The following RCSD1 variants were observed in gnomAD, a reference collection of about 807,000 sequenced individuals.
The protein encoded by RCSD1 is RCSD domain containing 1, also known as capZ-interacting protein.
Under a neutral mutation model 42.5 loss-of-function variants are expected in RCSD1, and 26 were observed. That is an observed-to-expected ratio of 0.61 (90% CI 0.45 to 0.85). RCSD1 has a LOEUF of 0.85. RCSD1 is among the 40% of genes least tolerant of loss of function. The pLI is 0.00. For missense variants in RCSD1, 571 were observed against 528.3 expected (o/e 1.08, Z -0.79); for synonymous variants, 220 against 212.2 (o/e 1.04, Z -0.32).
In RCSD1 at chr1:167,705,427, C is replaced by T. The variant is rs891834874; in HGVS notation, c.*731C>T. 7.2e-5 allele frequency: 11 copies of T among 152,164 alleles called. No individual in the cohort carries two copies. The highest frequency in any genetic ancestry group is 2.4e-4 in the African/African-American group (10 of 41,436). The allele number at this position is 152,164 out of a possible 1,614,324, so 9.4% of individuals were successfully genotyped here. ...GGAGGTCGCTGGCTCGGCTCACTCCCTTCTCCCACCCTTGAGAATGTGGAG... is the reference window on the plus strand; with the variant it reads ...GGAGGTCGCTGGCTCGGCTCACTCCTTTCTCCCACCCTTGAGAATGTGGAG... On this transcript the variant is annotated 3_prime_UTR_variant, in exon 7 of 7. Coordinates refer to ENST00000367854, the MANE Select transcript of RCSD1 (RefSeq NM_052862.4).
At chr1:167,653,889 A>T (rs1317234980) in intron 1 of RCSD1, among the ~76,000 whole-genome samples, 1 of 152,126 alleles carries the variant, frequency 6.6e-6, no homozygotes, top group Non-Finnish European at 1.5e-5. Flanking sequence ...GAGGCAGGAA[A>T]ATGCGTAATA....
intron 5 of RCSD1, among the ~76,000 whole-genome samples, chr1:167,695,844 G>T (rs189727841): frequency 1.4e-4 from 22 of 152,220 alleles, no homozygotes; most frequent in African/African-American, 5.1e-4. Flanking sequence ...ATTTTTAAAG[G>T]ATGCATCACT....
intron 1 of RCSD1, among the ~76,000 whole-genome samples, chr1:167,631,489 T>C (rs1015655356): frequency 2.0e-5 from 3 of 152,196 alleles, no homozygotes; most frequent in Admixed American, 2.0e-4. Context: ...GTGGTCTTTT[T>C]ATTTTTTTCT....
intron 1 of RCSD1, among the ~76,000 whole-genome samples, chr1:167,679,025 TA>T (rs1659017529): frequency 6.6e-6 from 1 of 152,254 alleles, no homozygotes. Flanking sequence ...TGTACCTGTT[TA>T]TTGCTGAAGT....
At chr1:167,632,189 G>A (rs142475832) in intron 1 of RCSD1, among the ~76,000 whole-genome samples, 108 of 152,356 alleles carry the variant, frequency 7.1e-4, no homozygotes, top group African/African-American at 2.6e-3. Context: ...AGCTTCTTGG[G>A]TTGGGTGAAG....
intron 3 of RCSD1, among the ~76,000 whole-genome samples, chr1:167,685,944 G>A (rs1261116869): frequency 1.3e-5 from 2 of 152,154 alleles, no homozygotes; most frequent in Non-Finnish European, 2.9e-5. Flanking sequence ...AAAACCCCGT[G>A]ATTCTGCAGT....
chr1:167,638,678 C>T (rs1657918829), intron 1 of RCSD1, among the ~76,000 whole-genome samples: 1 of 152,218 alleles, frequency 6.6e-6, no homozygotes, highest in South Asian at 2.1e-4. Context: ...ACTCCGAGCC[C>T]TCCTCTGCAC....
In RCSD1 at chr1:167,707,603, A is replaced by T. The variant is rs1659787249; in HGVS notation, c.*2907A>T. On this transcript the variant is annotated 3_prime_UTR_variant, in exon 7 of 7. Transcript: ENST00000367854. Reference sequence around the variant, plus strand: ...TATTCTTTTTTTTTTCTTTTTTAAAAACTTATTTAATTAGTTTTCCTTAAT... The same window carrying T: ...TATTCTTTTTTTTTTCTTTTTTAAATACTTATTTAATTAGTTTTCCTTAAT... Among the ~76,000 whole-genome samples the T allele has an allele frequency of 6.6e-6, 1 of 152,010 alleles. No homozygotes were observed. Among genetic ancestry groups the T allele is most frequent in the Non-Finnish European group, 1.5e-5 (1 of 67,992 alleles).
intron 1 of RCSD1, among the ~76,000 whole-genome samples, chr1:167,657,053 C>T (rs1013296232): frequency 6.6e-6 from 1 of 152,210 alleles, no homozygotes; most frequent in African/African-American, 2.4e-5. Context: ...TCTATGCTTC[C>T]CTGTTAGATG....
rs546539767 is a variant in RCSD1 at position 167,698,768 on chromosome 1, CTTTG to C, written c.1218+946_1218+949del. ...TATCAGCTTCCTGCTACAGTAGCCT[CTTTG>C]TTTGTTTGTTTGTTTGTTTTTTGTT... is the stretch of plus-strand genomic sequence containing the variant. On this transcript the variant is annotated intron_variant, in intron 6 of 6. Transcript: ENST00000367854. 7.9e-4 allele frequency among the ~76,000 whole-genome samples: 120 copies of C among 151,760 alleles called. 1 individual carries two copies. The highest frequency in any genetic ancestry group is 1.0e-3 in the South Asian group (5 of 4,786).
chr1:167,696,385 C>T (rs1659498040), intron 5 of RCSD1, among the ~76,000 whole-genome samples: 1 of 151,248 alleles, frequency 6.6e-6, no homozygotes, highest in Non-Finnish European at 1.5e-5. Context: ...TATGAGGAAA[C>T]TTGTAAGATG....
intron 4 of RCSD1, among the ~76,000 whole-genome samples, chr1:167,690,639 A>C (rs1558091266): frequency 6.6e-6 from 1 of 151,890 alleles, no homozygotes; most frequent in Non-Finnish European, 1.5e-5. Flanking sequence ...ACTTCACTAC[A>C]CTCCAGCCTG....
intron 1 of RCSD1, among the ~76,000 whole-genome samples, chr1:167,659,162 T>G (rs1053957815): frequency 8.5e-5 from 13 of 152,202 alleles, no homozygotes; most frequent in African/African-American, 3.1e-4. Context: ...ACAAGTACTA[T>G]CGTAAGTTTG....
At chr1:167,688,058 C>T (rs1476668701) in intron 3 of RCSD1, among the ~76,000 whole-genome samples, 2 of 152,198 alleles carry the variant, frequency 1.3e-5, no homozygotes, top group Non-Finnish European at 2.9e-5. Flanking sequence ...TAGTCTCAGC[C>T]GCTTGCCTGA....
chr1:167,705,416 C>T lies in RCSD1; in HGVS notation c.*720C>T, dbSNP rs2297777. On this transcript the variant is annotated 3_prime_UTR_variant, in exon 7 of 7. Coordinates refer to ENST00000367854, the MANE Select transcript of RCSD1 (RefSeq NM_052862.4). ...TGACCACCATGGGAGGTCGCTGGCT[C>T]GGCTCACTCCCTTCTCCCACCCTTG... is the stretch of plus-strand genomic sequence containing the variant. 4.0e-5 allele frequency: 6 copies of T among 151,826 alleles called. No individual in the cohort carries two copies. The highest frequency in any genetic ancestry group is 1.2e-4 in the African/African-American group (5 of 41,350). The allele number at this position is 151,826 out of a possible 1,614,324, so 9.4% of individuals were successfully genotyped here. A position where few individuals can be genotyped will look rare whatever the true frequency, so the allele number is the denominator to read the frequency against.
At chr1:167,673,362 C>T (rs1225474954) in intron 1 of RCSD1, among the ~76,000 whole-genome samples, 1 of 152,228 alleles carries the variant, frequency 6.6e-6, no homozygotes, top group Non-Finnish European at 1.5e-5. Context: ...AATCAGATAA[C>T]TTCCCTCATC....
chr1:167,630,439 C>A lies in RCSD1; in HGVS notation c.6+10C>A. On this transcript the variant is annotated intron_variant, in intron 1 of 6. Coordinates refer to ENST00000367854, the MANE Select transcript of RCSD1 (RefSeq NM_052862.4). ...CCTGAAGGACATGGAGGTAAAGGACCCCGGAGGGAGACGCGGGGCTGAGCG... is the reference window on the plus strand; with the variant it reads ...CCTGAAGGACATGGAGGTAAAGGACACCGGAGGGAGACGCGGGGCTGAGCG... 1.3e-6 allele frequency: 2 copies of A among 1,540,540 alleles called. No individual in the cohort carries two copies. Among genetic ancestry groups the A allele is most frequent in the Admixed American group, 1.9e-5 (1 of 52,342 alleles).
At chr1:167,686,916 A>G (rs886853300) in intron 3 of RCSD1, among the ~76,000 whole-genome samples, 1 of 152,222 alleles carries the variant, frequency 6.6e-6, no homozygotes, top group Non-Finnish European at 1.5e-5. Context: ...CATTTTTCTT[A>G]TTTGTGAAAT....
intron 1 of RCSD1, among the ~76,000 whole-genome samples, chr1:167,668,246 A>G (rs1006400424): frequency 6.6e-6 from 1 of 151,672 alleles, no homozygotes; most frequent in African/African-American, 2.4e-5. Context: ...GATTGCACCA[A>G]TGCACTCCAG....
Sources: gnomAD v4.1 joint callset for allele counts (sites outside exome capture counted in the v4.1 genomes callset) on GRCh38, gnomAD v4.1.1 for gene constraint, MANE v1.5 for transcripts, NCBI Gene and HGNC (gene_info 2026-07-23, HGNC 2026-07-21) for gene names.